Variants in CALN1 observed in about 807,000 individuals in gnomAD.
The protein encoded by CALN1 is calneuron 1.
Under a neutral mutation model 30.6 loss-of-function variants are expected in CALN1, and 17 were observed. That is an observed-to-expected ratio of 0.56 (90% CI 0.38 to 0.83). The LOEUF (loss-of-function observed/expected upper bound fraction) is 0.83. CALN1 is among the 40% of genes least tolerant of loss of function. The pLI is 0.00. For synonymous variants in CALN1, 156 were observed against 131.4 expected, an observed-to-expected ratio of 1.19 and a Z score of -1.28; for missense variants, 291 against 354.9, an observed-to-expected ratio of 0.82 and a Z score of 1.45.
intron 3 of CALN1, among the ~76,000 whole-genome samples, chr7:72,230,605 T>C (rs893608887): frequency 4.0e-5 from 6 of 151,648 alleles, no homozygotes; most frequent in Non-Finnish European, 7.4e-5. Flanking sequence ...AGAGGAGATA[T>C]GAGCTAAGGA....
intron 2 of CALN1, among the ~76,000 whole-genome samples, chr7:72,363,530 C>A (rs1233274093): frequency 6.6e-6 from 1 of 151,716 alleles, no homozygotes; most frequent in Non-Finnish European, 1.5e-5. Context: ...TGAGCCACTG[C>A]ACCTGGCCTA....
chr7:72,221,354 G>A (rs749573471), intron 3 of CALN1, among the ~76,000 whole-genome samples: 28 of 106,038 alleles, frequency 2.6e-4, no homozygotes, highest in Non-Finnish European at 3.5e-4. Context: ...GTATCTATCT[G>A]TTGCCCAGGC....
In CALN1 at chr7:71,882,850, T is replaced by TG. The variant is rs1792659049; in HGVS notation, c.502-72359_502-72358insC. ...GGGCATGCCACCATGCCCATCTAAT[T>TG]TGTGTGTGTGTGTGTGTGTGTGTGT... On this transcript the variant is annotated intron_variant, in intron 5 of 6. Transcript: ENST00000395275. Among the ~76,000 whole-genome samples, 4 of 131,024 alleles carry TG rather than the reference T, an allele frequency of 3.1e-5. No homozygotes were observed. The East Asian group carries it at 7.2e-4, about 23-fold the overall frequency. 86.0% of individuals were successfully genotyped at this position (131,024 alleles called of 152,430 possible).
chr7:71,821,079 G>C (rs1256181374), intron 5 of CALN1, among the ~76,000 whole-genome samples: 1 of 152,176 alleles, frequency 6.6e-6, no homozygotes, highest in East Asian at 1.9e-4. Context: ...CAGCCCAGTA[G>C]AATAGCCTAG....
chr7:72,194,819 T>C (rs1396692142), intron 3 of CALN1, among the ~76,000 whole-genome samples: 2 of 151,906 alleles, frequency 1.3e-5, no homozygotes, highest in East Asian at 3.9e-4. Flanking sequence ...CTCAATCTCT[T>C]GACCTCATGA....
chr7:71,817,554 C>T (rs754598987), intron 5 of CALN1, among the ~76,000 whole-genome samples: 10 of 152,182 alleles, frequency 6.6e-5, no homozygotes, highest in African/African-American at 1.2e-4. Flanking sequence ...CTCGCTCTGT[C>T]GCCCAGGCTG....
At chr7:72,219,625 A>G (rs1793111421) in intron 3 of CALN1, among the ~76,000 whole-genome samples, 1 of 152,042 alleles carries the variant, frequency 6.6e-6, no homozygotes, top group African/African-American at 2.4e-5. Flanking sequence ...AAATCCATGA[A>G]GATACACATG....
At chr7:72,481,239 A>C in the CALN1 span, among the ~76,000 whole-genome samples, 1 of 152,304 alleles carries the variant, frequency 6.6e-6, no homozygotes, top group East Asian at 1.9e-4. Flanking sequence ...GGCTGGAGCC[A>C]CTGCGCCCGG....
intron 3 of CALN1, among the ~76,000 whole-genome samples, chr7:72,117,058 A>C (rs1808034868): frequency 6.6e-6 from 1 of 152,150 alleles, no homozygotes; most frequent in Non-Finnish European, 1.5e-5. Context: ...CATGCCTGTA[A>C]TTCCAGCACT....
At chr7:71,921,836 C>T (rs1182952533) in intron 5 of CALN1, among the ~76,000 whole-genome samples, 3 of 151,830 alleles carry the variant, frequency 2.0e-5, no homozygotes, top group Admixed American at 1.3e-4. Context: ...TCCCCCCCGC[C>T]GCCATCCTAC....
intron 2 of CALN1, among the ~76,000 whole-genome samples, chr7:72,356,013 T>G (rs1803198976): frequency 6.6e-6 from 1 of 152,188 alleles, no homozygotes; most frequent in African/African-American, 2.4e-5. Flanking sequence ...AAGATAAATG[T>G]TTGAGGTGAC....
At chr7:72,284,577 A>G (rs1562837878) in intron 2 of CALN1, among the ~76,000 whole-genome samples, 1 of 152,210 alleles carries the variant, frequency 6.6e-6, no homozygotes, top group South Asian at 2.1e-4. Context: ...ACACACTAAG[A>G]AAGAATTTGC....
intron 2 of CALN1, among the ~76,000 whole-genome samples, chr7:72,372,200 C>T (rs1181617718): frequency 5.3e-5 from 8 of 152,092 alleles, no homozygotes; most frequent in Admixed American, 5.2e-4. Flanking sequence ...CCTCAGCCCC[C>T]AAATAATTCA....
chr7:71,974,801 AC>A (rs1236613429), intron 5 of CALN1, among the ~76,000 whole-genome samples: 1 of 152,174 alleles, frequency 6.6e-6, no homozygotes, highest in African/African-American at 2.4e-5. Context: ...GAAGACGGTC[AC>A]CACCTGGCCT....
chr7:72,236,493 G>GA (rs1794482082), intron 3 of CALN1, among the ~76,000 whole-genome samples: 1 of 152,188 alleles, frequency 6.6e-6, no homozygotes, highest in Non-Finnish European at 1.5e-5. Flanking sequence ...AAATCAGTGA[G>GA]AAAAACCTGC....
chr7:71,801,452 CTATCTATCT>C, intron 6 of CALN1, among the ~76,000 whole-genome samples: 1 of 151,586 alleles, frequency 6.6e-6, no homozygotes, highest in African/African-American at 2.4e-5. Context: ...ATCTATCTAT[CTATCTATCT>C]ATCTATCTAT....
intron 1 of CALN1, among the ~76,000 whole-genome samples, chr7:72,420,753 G>A (rs1807580372): frequency 6.6e-6 from 1 of 151,298 alleles, no homozygotes. Flanking sequence ...TCGAGTAGCT[G>A]GGACTACAGG....
intron 3 of CALN1, among the ~76,000 whole-genome samples, chr7:72,219,459 G>GC (rs1227532320): frequency 6.6e-6 from 1 of 151,926 alleles, no homozygotes; most frequent in Non-Finnish European, 1.5e-5. Flanking sequence ...CAAACTCCTG[G>GC]CCTCAAGTGA....
intron 2 of CALN1, among the ~76,000 whole-genome samples, chr7:72,402,211 G>A (rs1806389883): frequency 6.6e-6 from 1 of 152,164 alleles, no homozygotes; most frequent in Non-Finnish European, 1.5e-5. Flanking sequence ...ATCAGCTCCT[G>A]CCCTTGACTT....
Sources: allele counts gnomAD v4.1 joint callset (sites outside exome capture counted in the v4.1 genomes callset), GRCh38; gene constraint gnomAD v4.1.1; transcripts MANE v1.5; gene names NCBI Gene and HGNC (gene_info 2026-07-23, HGNC 2026-07-21).